Variants in CNTNAP2 observed in about 807,000 individuals in gnomAD.
CNTNAP2 encodes contactin associated protein 2, also known as contactin-associated protein-like 2.
Under a neutral mutation model 155.2 loss-of-function variants are expected in CNTNAP2, and 98 were observed. The observed-to-expected ratio is 0.63, with a 90% CI of 0.54 to 0.75. The LOEUF (loss-of-function observed/expected upper bound fraction) is 0.75. Ranked by LOEUF, CNTNAP2 falls within the 30% of genes least tolerant of loss-of-function variation. The pLI, the probability that CNTNAP2 is intolerant of heterozygous loss-of-function variation, is 0.00. For synonymous variants in CNTNAP2, 651 were observed against 631.2 expected, an observed-to-expected ratio of 1.03 and a Z score of -0.47; for missense variants, 1,727 against 1,688.1, an observed-to-expected ratio of 1.02 and a Z score of -0.40.
intron 1 of CNTNAP2, among the ~76,000 whole-genome samples, chr7:146,149,607 G>A (rs1208326964): frequency 1.3e-5 from 2 of 151,948 alleles, no homozygotes; most frequent in Non-Finnish European, 2.9e-5. Flanking sequence ...CGCAGATATG[G>A]CCAATTGATC....
At chr7:146,711,797 A>T (rs1461963605) in intron 1 of CNTNAP2, among the ~76,000 whole-genome samples, 2 of 126,598 alleles carry the variant, frequency 1.6e-5, no homozygotes, top group Non-Finnish European at 3.3e-5. Context: ...ATACATATAT[A>T]GTATACACAT....
intron 21 of CNTNAP2, among the ~76,000 whole-genome samples, chr7:148,363,910 G>A (rs1384778737): frequency 6.6e-6 from 1 of 151,838 alleles, no homozygotes; most frequent in Non-Finnish European, 1.5e-5. Context: ...TGAGCAGCCA[G>A]CCAGCCCTGC....
At chr7:147,579,113 T>G (rs1800450406) in intron 12 of CNTNAP2, among the ~76,000 whole-genome samples, 1 of 152,110 alleles carries the variant, frequency 6.6e-6, no homozygotes, top group Non-Finnish European at 1.5e-5. Context: ...GGTCATTATG[T>G]TCTTTTTTAA....
intron 2 of CNTNAP2, among the ~76,000 whole-genome samples, chr7:146,792,965 A>G (rs1309584675): frequency 2.0e-5 from 3 of 152,188 alleles, no homozygotes; most frequent in Non-Finnish European, 4.4e-5. Context: ...GTAATTTTCA[A>G]TTATCTAATA....
chr7:148,081,700 G>T (rs1465880462), intron 15 of CNTNAP2, among the ~76,000 whole-genome samples: 1 of 152,102 alleles, frequency 6.6e-6, no homozygotes, highest in Non-Finnish European at 1.5e-5. Flanking sequence ...TAACAGAGAG[G>T]AGAGGATATC....
chr7:147,213,716 T>G (rs1269509721), intron 8 of CNTNAP2, among the ~76,000 whole-genome samples: 1 of 152,160 alleles, frequency 6.6e-6, no homozygotes, highest in African/African-American at 2.4e-5. Flanking sequence ...ATAGGTTGTC[T>G]GCAGGCTGGA....
intron 1 of CNTNAP2, among the ~76,000 whole-genome samples, chr7:146,630,693 C>CAG (rs139991508): frequency 0.023 from 3,424 of 152,150 alleles, 47 homozygotes; most frequent in Middle Eastern, 0.041. Context: ...GAGATCGTAT[C>CAG]TCACTGTGGT....
At chr7:146,929,087 G>T (rs1266585879) in intron 3 of CNTNAP2, among the ~76,000 whole-genome samples, 3 of 152,202 alleles carry the variant, frequency 2.0e-5, no homozygotes, top group Admixed American at 6.5e-5. Context: ...GAGAGCAGTG[G>T]CTCTCCCAGC....
chr7:146,903,361 C>T (rs143614037), intron 3 of CNTNAP2, among the ~76,000 whole-genome samples: 1 of 152,252 alleles, frequency 6.6e-6, no homozygotes, highest in Admixed American at 6.5e-5. Context: ...GTCTTCTGAG[C>T]TCCCAACTCA....
At chr7:147,147,707 T>G (rs910821322) in intron 8 of CNTNAP2, among the ~76,000 whole-genome samples, 3 of 152,252 alleles carry the variant, frequency 2.0e-5, no homozygotes, top group Middle Eastern at 3.4e-3. Flanking sequence ...GGCCTCTTGT[T>G]TTGCTACTGA....
At chr7:146,788,063 C>T (rs1802606837) in intron 2 of CNTNAP2, among the ~76,000 whole-genome samples, 1 of 152,228 alleles carries the variant, frequency 6.6e-6, no homozygotes, top group Non-Finnish European at 1.5e-5. Flanking sequence ...GCTGGCTTCA[C>T]CTCTCAATGG....
intron 1 of CNTNAP2, among the ~76,000 whole-genome samples, chr7:146,306,123 A>G (rs1189466996): frequency 6.6e-6 from 1 of 152,202 alleles, no homozygotes; most frequent in African/African-American, 2.4e-5. Context: ...AAACACCTCT[A>G]TGCAAATAAC....
intron 8 of CNTNAP2, among the ~76,000 whole-genome samples, chr7:147,190,611 G>C (rs1473619990): frequency 6.6e-6 from 1 of 152,082 alleles, no homozygotes; most frequent in Admixed American, 6.6e-5. Flanking sequence ...TTGGCTTGAG[G>C]GCTGGATATA....
chr7:147,366,614 G>C (rs935991037), intron 9 of CNTNAP2, among the ~76,000 whole-genome samples: 3 of 151,836 alleles, frequency 2.0e-5, no homozygotes, highest in Non-Finnish European at 4.4e-5. Flanking sequence ...TTTAGTATAA[G>C]TAAAACAATA....
intron 15 of CNTNAP2, among the ~76,000 whole-genome samples, chr7:148,078,945 A>G (rs1803546861): frequency 1.3e-5 from 2 of 152,230 alleles, no homozygotes; most frequent in South Asian, 4.1e-4. Flanking sequence ...TATGAACAGT[A>G]TTTGTAGAAG....
intron 1 of CNTNAP2, among the ~76,000 whole-genome samples, chr7:146,256,652 G>GA (rs1300541978): frequency 6.6e-6 from 1 of 151,680 alleles, no homozygotes; most frequent in Non-Finnish European, 1.5e-5. Context: ...GAAAATATGA[G>GA]AAAATACTAA....
chr7:148,418,540 T>C lies in CNTNAP2; in HGVS notation c.*2924T>C, dbSNP rs1000403707. ...CTTCTGTGTATGAAGCAAATGTCGATGTTTTGAAAAAAGCTAGGAGATGAC... is the reference window on the plus strand; with the variant it reads ...CTTCTGTGTATGAAGCAAATGTCGACGTTTTGAAAAAAGCTAGGAGATGAC... On this transcript the variant is annotated 3_prime_UTR_variant, in exon 24 of 24. Transcript: ENST00000361727. The C allele has an allele frequency of 2.0e-5, 1 of 50,024 alleles. No individual in the cohort carries two copies. The highest frequency in any genetic ancestry group is 4.5e-5 in the Non-Finnish European group (1 of 22,052). 3.1% of individuals were successfully genotyped at this position (50,024 alleles called of 1,614,324 possible). A position where few individuals can be genotyped will look rare whatever the true frequency, so the allele number is the denominator to read the frequency against.
rs1286176571 is a variant in CNTNAP2, at chr7:147,300,203, A to G, written c.1411A>G (p.Ile471Val). 4 of 1,614,044 alleles carry G rather than the reference A, an allele frequency of 2.5e-6. No individual in the cohort carries two copies. Among genetic ancestry groups the G allele is most frequent in the South Asian group, 2.2e-5 (2 of 91,086 alleles). The change falls in exon 9 of 24, where the codon ATT (isoleucine) becomes GTT (valine). Residue 471 changes from isoleucine (I) to valine (V), a missense_variant. Transcript: ENST00000361727. The stretch of plus-strand genomic sequence containing the variant: ...CTTCCTAGCCAAGGAAAATTTTGCT[A>G]TTCTCACCATCGATGGAGATGAAGC... Reference protein sequence around the residue: ...VRFLAKENFAILTIDGDEASA... With the variant: ...VRFLAKENFAVLTIDGDEASA...
intron 9 of CNTNAP2, among the ~76,000 whole-genome samples, chr7:147,353,081 T>TTA (rs139829172): frequency 0.18 from 25,748 of 139,626 alleles, 2,346 homozygotes; most frequent in African/African-American, 0.24. Context: ...GTAGAATTCT[T>TTA]TATATATATA....
Sources: gnomAD v4.1 joint callset for allele counts (sites outside exome capture counted in the v4.1 genomes callset) on GRCh38, gnomAD v4.1.1 for gene constraint, MANE v1.5 for transcripts, NCBI Gene and HGNC (gene_info 2026-07-23, HGNC 2026-07-21) for gene names.